Variants in PPP1R18 observed in about 807,000 individuals in gnomAD.
The protein encoded by PPP1R18 is protein phosphatase 1 regulatory subunit 18.
PPP1R18 carries 31 observed loss-of-function variants against 54.8 expected under a neutral mutation model. That is an observed-to-expected ratio of 0.57 (90% CI 0.43 to 0.76). The LOEUF is 0.76. Ranked by LOEUF, PPP1R18 falls within the 30% of genes least tolerant of loss-of-function variation. The pLI is 0.00. For synonymous variants in PPP1R18, 310 were observed against 320.2 expected, an observed-to-expected ratio of 0.97 and a Z score of 0.34; for missense variants, 685 against 776.1, an observed-to-expected ratio of 0.88 and a Z score of 1.39.
rs367752061 is a variant in PPP1R18, at chr6:30,677,838, C to T, written c.1823-550G>A. On this transcript the variant is annotated intron_variant, in intron 2 of 2. Transcript: ENST00000274853. ...TTCCAGTCCAGGCGACAGAGGGAGA[C>T]GCTGTCTCAAAATAAATAAATAAAT... Among the ~76,000 whole-genome samples the T allele has an allele frequency of 1.3e-4, 20 of 151,880 alleles. No homozygotes were observed. The South Asian group carries it at 3.7e-3, about 28-fold the overall frequency.
chr6:30,679,032 G>A, intron 2 of PPP1R18, 147 bp downstream of exon 2: 1 of 575,682 alleles, frequency 1.7e-6, no homozygotes, highest in Non-Finnish European at 3.0e-6. Context: ...ACCTCAGTTT[G>A]CCCATCTGTT....
chr6:30,679,035 C>T, intron 2 of PPP1R18, 144 bp downstream of exon 2: 1 of 582,532 alleles, frequency 1.7e-6, no homozygotes, highest in Non-Finnish European at 2.9e-6. Context: ...TCAGTTTGCC[C>T]ATCTGTTAAA....
In PPP1R18 at chr6:30,679,838, A is replaced by T. The variant is rs148607411; in HGVS notation, c.1612-449T>A. The stretch of plus-strand genomic sequence containing the variant: ...AGTGAACTTCCCAGAGGAGCCCAGC[A>T]GACTGGCCAGTGGGGAAAGAACTGG... On this transcript the variant is annotated intron_variant, in intron 1 of 2. Coordinates refer to ENST00000274853, the MANE Select transcript of PPP1R18 (RefSeq NM_133471.4). 4.1e-3 allele frequency among the ~76,000 whole-genome samples: 627 copies of T among 152,304 alleles called. 4 individuals carry two copies. The highest frequency in any genetic ancestry group is 0.015 in the African/African-American group (619 of 41,558).
chr6:30,679,218 C>T lies in PPP1R18; in HGVS notation c.1783G>A (p.Glu595Lys). ...TTGGTGCGCAGCCCGCCCTGGAGCT[C>T]TGGCTGCAGCAGCAGCAGCTCTTCC... ...DEEELLLLQP[E>K]LQGGLRTKAL... Residue 595 changes from glutamate to lysine, a missense_variant, in exon 2 of 3, where the codon GAG becomes AAG. Coordinates refer to ENST00000274853, the MANE Select transcript of PPP1R18 (RefSeq NM_133471.4). The T allele has an allele frequency of 6.3e-7, 1 of 1,585,916 alleles. No individual in the cohort carries two copies. Among genetic ancestry groups the T allele is most frequent in the Non-Finnish European group, 8.6e-7 (1 of 1,167,776 alleles).
rs756089734 is a variant in PPP1R18, at chr6:30,685,230, C to T, written c.789G>A (p.Leu263=). The change falls in exon 1 of 3, where the codon CTG becomes CTA. Residue 263 remains leucine, a synonymous_variant. Transcript: ENST00000274853. This position sits in a 1 kb window ranked among gnomAD's most constrained non-coding sequence, Gnocchi z 5.0. ...AGTCTTGTCTTTCTTCTCCTGACCT[C>T]AGCCTCCACTCTGTTGCCTCCAGTT... ...LVQLEATEWR[L]RSGEERQDYS... 1 of 1,613,096 alleles carries T rather than the reference C, an allele frequency of 6.2e-7. No individual in the cohort carries two copies. The highest frequency in any genetic ancestry group is 2.2e-5 in the East Asian group (1 of 44,880).
Position 30,686,096 on chromosome 6 carries a change from G to A in PPP1R18, c.-78C>T. 1 of 1,427,702 alleles carries A rather than the reference G, an allele frequency of 7.0e-7. No individual in the cohort carries two copies. The highest frequency in any genetic ancestry group is 9.4e-7 in the Non-Finnish European group (1 of 1,067,684). 88.4% of individuals were successfully genotyped at this position (1,427,702 alleles called of 1,614,324 possible). On this transcript the variant is annotated 5_prime_UTR_variant, in exon 1 of 3. Transcript: ENST00000274853. Reference sequence around the variant, plus strand: ...AGGCTCCAGAGAGTGAGACAGCCCGGGGGTGAGACTGAGGGTGGGAGGAGA... The same window carrying A: ...AGGCTCCAGAGAGTGAGACAGCCCGAGGGTGAGACTGAGGGTGGGAGGAGA...
intron 2 of PPP1R18, among the ~76,000 whole-genome samples, 157 bp downstream of exon 2, chr6:30,679,021 GA>G (rs1770366351): frequency 1.3e-5 from 2 of 152,130 alleles, no homozygotes; most frequent in African/African-American, 4.8e-5. Flanking sequence ...CACTGCCGGG[GA>G]CCTCAGTTTG....
In PPP1R18 at chr6:30,686,073, G is replaced by T; in HGVS notation, c.-55C>A. 6.7e-7 allele frequency: 1 copy of T among 1,498,108 alleles called. No individual in the cohort carries two copies. The highest frequency in any genetic ancestry group is 8.9e-7 in the Non-Finnish European group (1 of 1,129,736). 92.8% of individuals were successfully genotyped at this position (1,498,108 alleles called of 1,614,324 possible). A position where few individuals can be genotyped will look rare whatever the true frequency, so the allele number is the denominator to read the frequency against. ...TGGGGACAGAGAACAGGAAGGAGAG[G>T]CTCCAGAGAGTGAGACAGCCCGGGG... On this transcript the variant is annotated 5_prime_UTR_variant, in exon 1 of 3. Transcript: ENST00000274853.
At chr6:30,681,620 C>T (rs978532037) in intron 1 of PPP1R18, among the ~76,000 whole-genome samples, 14 of 151,832 alleles carry the variant, frequency 9.2e-5, no homozygotes, top group Non-Finnish European at 1.3e-4. Context: ...TAAAATTAGC[C>T]GGGTATGGTG....
In PPP1R18 at chr6:30,683,154, C is replaced by T. The variant is rs1770654323; in HGVS notation, c.1611+1254G>A. 6.6e-6 allele frequency among the ~76,000 whole-genome samples: 1 copy of T among 152,236 alleles called. No homozygotes were observed. Among genetic ancestry groups the T allele is most frequent in the Non-Finnish European group, 1.5e-5 (1 of 68,036 alleles). ...TATCTTTAGTCCCTGTGGTTCCCCA[C>T]TGACACTGAGGACACAAAAAAATCA... is the stretch of plus-strand genomic sequence containing the variant. On this transcript the variant is annotated intron_variant, in intron 1 of 2. Coordinates refer to ENST00000274853, the MANE Select transcript of PPP1R18 (RefSeq NM_133471.4). This position sits in a 1 kb window ranked among gnomAD's most constrained non-coding sequence, Gnocchi z 5.1.
At position 30,685,963 on chromosome 6, in the gene PPP1R18, T is replaced by G; in HGVS notation, c.56A>C (p.Glu19Ala). 6.2e-7 allele frequency: 1 copy of G among 1,600,072 alleles called. No homozygotes were observed. The highest frequency in any genetic ancestry group is 8.5e-7 in the Non-Finnish European group (1 of 1,177,618). ...LQLLARRRQE[E>A]ASVRGREKAE... is the part of the protein sequence containing the mutation. ...TTTCTCTCGGCCTCGAACGGACGCC[T>G]CCTCCTGCCGGCGCCGGGCTAGCAG... The change falls in exon 1 of 3, where the codon GAG (glutamate) becomes GCG (alanine). Residue 19 changes from glutamate to alanine, a missense_variant. Transcript: ENST00000274853. The surrounding 1 kb of genome is among the most constrained non-coding windows in gnomAD (Gnocchi z 5.0).
Position 30,685,391 on chromosome 6 carries a change from G to C in PPP1R18, c.628C>G (p.Arg210Gly), listed in dbSNP as rs201320644. Residue 210 changes from arginine to glycine, a missense_variant, in exon 1 of 3, where the codon CGA (arginine) becomes GGA (glycine). Arg to Gly is a moderately radical substitution (Grantham distance 125). Coordinates refer to ENST00000274853, the MANE Select transcript of PPP1R18 (RefSeq NM_133471.4). This position sits in a 1 kb window ranked among gnomAD's most constrained non-coding sequence, Gnocchi z 5.0. ...TCTTTTCTCCTGGGGCTTTGCTCTC[G>C]AGACTCTGCTAGTCTCAGACTCCGC... ...PERSLRLAES[R>G]EQSPRRKEVE... 1.6e-4 allele frequency: 262 copies of C among 1,612,826 alleles called. No individual in the cohort carries two copies. The highest frequency in any genetic ancestry group is 2.1e-4 in the Non-Finnish European group (243 of 1,180,020).
At position 30,685,185 on chromosome 6, in the gene PPP1R18, T is replaced by C. The variant is rs1462238316; in HGVS notation, c.834A>G (p.Arg278=). 6.2e-7 allele frequency: 1 copy of C among 1,612,934 alleles called. No homozygotes were observed. The highest frequency in any genetic ancestry group is 8.5e-7 in the Non-Finnish European group (1 of 1,180,032). Residue 278 remains arginine (R), a synonymous_variant, in exon 1 of 3, where the codon AGA becomes AGG. Coordinates refer to ENST00000274853, the MANE Select transcript of PPP1R18 (RefSeq NM_133471.4). This position sits in a 1 kb window ranked among gnomAD's most constrained non-coding sequence, Gnocchi z 5.0. ...CCCCTGGAACTGGCCACTCTTCTTT[T>C]CTCCCACATTCTTCCGAGTAGTCTT... ...ERQDYSEECG[R]KEEWPVPGVA...
Position 30,685,228 on chromosome 6 carries a change from C to T in PPP1R18, c.791G>A (p.Arg264Lys). 5 of 1,613,080 alleles carry T rather than the reference C, an allele frequency of 3.1e-6. No homozygotes were observed. Among genetic ancestry groups the T allele is most frequent in the Non-Finnish European group, 4.2e-6 (5 of 1,180,038 alleles). ...GTAGTCTTGTCTTTCTTCTCCTGACCTCAGCCTCCACTCTGTTGCCTCCAG... is the reference window on the plus strand; with the variant it reads ...GTAGTCTTGTCTTTCTTCTCCTGACTTCAGCCTCCACTCTGTTGCCTCCAG... ...VQLEATEWRLRSGEERQDYSE... is the reference protein window; with the variant it reads ...VQLEATEWRLKSGEERQDYSE... Residue 264 changes from arginine to lysine, a missense_variant, in exon 1 of 3, where the codon AGG (arginine) becomes AAG (lysine). Transcript: ENST00000274853. The surrounding 1 kb of genome is among the most constrained non-coding windows in gnomAD (Gnocchi z 5.0).
intron 1 of PPP1R18, among the ~76,000 whole-genome samples, chr6:30,682,198 G>T (rs1582997566): frequency 6.6e-6 from 1 of 151,920 alleles, no homozygotes; most frequent in African/African-American, 2.4e-5. Context: ...TTCTGACTGG[G>T]CTTCTCAGAA....
chr6:30,679,239 C>G lies in PPP1R18; in HGVS notation c.1762G>C (p.Glu588Gln), dbSNP rs1328621297. ...AGCTCTGGCTGCAGCAGCAGCAGCT[C>G]TTCCTCATCCTCTTCGTCGTCGGGT... ...AQPDDEEDEE[E>Q]LLLLQPELQG... is the part of the protein sequence containing the mutation. The change falls in exon 2 of 3, where the codon GAG (glutamate) becomes CAG (glutamine). Residue 588 changes from glutamate to glutamine, a missense_variant. Physicochemically the swap from Glu to Gln is conservative, Grantham distance 29 (BLOSUM62 2). Coordinates refer to ENST00000274853, the MANE Select transcript of PPP1R18 (RefSeq NM_133471.4). The G allele has an allele frequency of 6.3e-7, 1 of 1,577,730 alleles. No individual in the cohort carries two copies. The highest frequency in any genetic ancestry group is 8.6e-7 in the Non-Finnish European group (1 of 1,161,976).
At position 30,679,303 on chromosome 6, in the gene PPP1R18, C is replaced by A; in HGVS notation, c.1698G>T (p.Glu566Asp). ...ESSVLEELGP[E>D]PEVPSAPNPP... ...GGTTGGGGGCACTGGGGACCTCAGG[C>A]TCCGGGCCCAGCTCCTCCAGTACCG... Residue 566 changes from glutamate to aspartate, a missense_variant, in exon 2 of 3, where the codon GAG (glutamate) becomes GAT (aspartate). Coordinates refer to ENST00000274853, the MANE Select transcript of PPP1R18 (RefSeq NM_133471.4). 1.3e-6 allele frequency: 2 copies of A among 1,547,158 alleles called. No homozygotes were observed. The highest frequency in any genetic ancestry group is 1.7e-6 in the Non-Finnish European group (2 of 1,145,954).
intron 2 of PPP1R18, among the ~76,000 whole-genome samples, chr6:30,678,543 T>A (rs999390296): frequency 6.6e-6 from 1 of 151,288 alleles, no homozygotes; most frequent in African/African-American, 2.4e-5. Context: ...GCCCAGCTAA[T>A]TTTTTTTTGT....
chr6:30,678,532 C>T (rs1770336517), intron 2 of PPP1R18, among the ~76,000 whole-genome samples: 2 of 152,116 alleles, frequency 1.3e-5, no homozygotes, highest in South Asian at 2.1e-4. Context: ...CCCGCCACCA[C>T]GCCCAGCTAA....
Sources: gnomAD v4.1 joint callset for allele counts (sites outside exome capture counted in the v4.1 genomes callset) on GRCh38, gnomAD v4.1.1 for gene constraint, Gnocchi (gnomAD v3.1) non-coding constraint, MANE v1.5 for transcripts, NCBI Gene and HGNC (gene_info 2026-07-23, HGNC 2026-07-21) for gene names.